Variants in PEX26 observed in about 807,000 individuals in gnomAD.
PEX26 encodes the protein peroxisome assembly protein 26.
Under a neutral mutation model 31.4 loss-of-function variants are expected in PEX26, and 18 were observed. The ratio of observed to expected loss-of-function variants is 0.57; its 90% CI spans 0.40 to 0.85. The LOEUF (loss-of-function observed/expected upper bound fraction) is 0.85. Among genes scored for constraint, PEX26 ranks in the 40% least tolerant of loss-of-function variants. PEX26 has a pLI of 0.00. For missense variants in PEX26, 377 were observed against 383.9 expected (o/e 0.98, Z 0.15); for synonymous variants, 176 against 166.9 (o/e 1.05, Z -0.42).
chr22:18,084,242 T>C lies in PEX26; in HGVS notation c.667+510T>C, dbSNP rs36096358. ...GAAAGTCACCATCTCTCTCTCTTTT[T>C]TTTTTTTTTTTTTTTTGTTTGAGAC... On this transcript the variant is annotated intron_variant, in intron 3 of 4. Coordinates refer to ENST00000399744, the MANE Select transcript of PEX26 (RefSeq NM_001127649.3). 3.0e-3 allele frequency among the ~76,000 whole-genome samples: 444 copies of C among 148,624 alleles called. 1 individual carries two copies. Among genetic ancestry groups the C allele is most frequent in the African/African-American group, 8.9e-3 (358 of 40,416 alleles).
chr22:18,080,833 G>C (rs1926545937), intron 2 of PEX26, among the ~76,000 whole-genome samples: 1 of 152,054 alleles, frequency 6.6e-6, no homozygotes, highest in Non-Finnish European at 1.5e-5. Flanking sequence ...ATACCTTACT[G>C]TTAACCATAA....
intron 2 of PEX26, among the ~76,000 whole-genome samples, chr22:18,082,021 C>G (rs1045012925): frequency 6.7e-6 from 1 of 148,690 alleles, no homozygotes; most frequent in Non-Finnish European, 1.5e-5. Flanking sequence ...ACGTCGTCTT[C>G]TGAGAAATGT....
intron 3 of PEX26, 147 bp from the exon 4 acceptor site, chr22:18,084,965 C>A (rs1926778899): frequency 5.4e-6 from 4 of 738,662 alleles, no homozygotes; most frequent in East Asian, 3.0e-5. Context: ...TTGTGATCCA[C>A]CTGCCTCAGC....
intron 3 of PEX26, among the ~76,000 whole-genome samples, chr22:18,084,154 T>C (rs1213349468): frequency 6.6e-6 from 1 of 152,038 alleles, no homozygotes; most frequent in Non-Finnish European, 1.5e-5. Flanking sequence ...CCCTGGTCGC[T>C]GAATCTTTTC....
In PEX26 at chr22:18,078,006, G is replaced by A; in HGVS notation, c.-371G>A. ...CGGGACGCCGCGCGGCTGCGGGGCTGGGCGAGCGCAAAGATGTCCGCGCCC... is the reference window on the plus strand; with the variant it reads ...CGGGACGCCGCGCGGCTGCGGGGCTAGGCGAGCGCAAAGATGTCCGCGCCC... On this transcript the variant is annotated 5_prime_UTR_variant, in exon 1 of 5. Transcript: ENST00000399744. 2.2e-6 allele frequency: 1 copy of A among 454,400 alleles called. No individual in the cohort carries two copies. The allele number at this position is 454,400 out of a possible 1,614,324, so 28.1% of individuals were successfully genotyped here. A position where few individuals can be genotyped will look rare whatever the true frequency, so the allele number is the denominator to read the frequency against.
Position 18,085,184 on chromosome 22 carries a change from T to G in PEX26, c.740T>G (p.Phe247Cys). ...CTTTGGGACTCTGCGGTGAGCCACT[T>G]CTTTTCTCTGCCCTTCAAAAAGAGT... ...RQLWDSAVSHFFSLPFKKSLL... is the reference protein window; with the variant it reads ...RQLWDSAVSHCFSLPFKKSLL... The change falls in exon 4 of 5, where the codon TTC becomes TGC. Residue 247 changes from phenylalanine to cysteine, a missense_variant. By Grantham distance (205) the Phe-to-Cys change is radical. Coordinates refer to ENST00000399744, the MANE Select transcript of PEX26 (RefSeq NM_001127649.3). The G allele has an allele frequency of 6.2e-7, 1 of 1,614,146 alleles. No individual in the cohort carries two copies. The highest frequency in any genetic ancestry group is 8.5e-7 in the Non-Finnish European group (1 of 1,180,008).
Position 18,079,815 on chromosome 22 carries a change from G to C in PEX26, c.231-59G>C, listed in dbSNP as rs1416457578. The C allele has an allele frequency of 3.1e-5, 50 of 1,597,146 alleles. No individual in the cohort carries two copies. The East Asian group carries it at 1.0e-3, about 34-fold the overall frequency. On this transcript the variant is annotated intron_variant, in intron 1 of 4. Transcript: ENST00000399744. ...TGGAGAGGAACAGTCCCAAGGTGGA[G>C]GTGGGAATGGAAATGGAGGGGAACC...
intron 2 of PEX26, among the ~76,000 whole-genome samples, chr22:18,080,575 C>T (rs945215365): frequency 6.6e-6 from 1 of 152,198 alleles, no homozygotes; most frequent in African/African-American, 2.4e-5. Context: ...CGTGATCCAC[C>T]TGCCTCGGCA....
intron 2 of PEX26, 83 bp downstream of exon 2, chr22:18,080,097 C>T (rs973662814): frequency 5.6e-6 from 8 of 1,439,848 alleles, no homozygotes; most frequent in African/African-American, 1.4e-5. Flanking sequence ...ACTCTTTTCC[C>T]CTTCCCTACT....
chr22:18,079,247 C>T (rs752101558), intron 1 of PEX26: 4 of 985,162 alleles, frequency 4.1e-6, no homozygotes, highest in African/African-American at 1.7e-5. Flanking sequence ...CCACCAGCCT[C>T]GTCTGGCAGG....
At position 18,077,996 on chromosome 22, in the gene PEX26, C is replaced by T. The variant is rs561094254; in HGVS notation, c.-381C>T. 136 of 433,566 alleles carry T rather than the reference C, an allele frequency of 3.1e-4. 1 individual carries two copies. Among genetic ancestry groups the T allele is most frequent in the South Asian group, 1.1e-3 (64 of 59,378 alleles). The allele number at this position is 433,566 out of a possible 1,614,324, so 26.9% of individuals were successfully genotyped here. On this transcript the variant is annotated 5_prime_UTR_variant, in exon 1 of 5. Coordinates refer to ENST00000399744, the MANE Select transcript of PEX26 (RefSeq NM_001127649.3). ...TCCGCGCCGCCGGGACGCCGCGCGG[C>T]TGCGGGGCTGGGCGAGCGCAAAGAT...
At chr22:18,078,896 G>A in intron 1 of PEX26, 1 of 575,940 alleles carries the variant, frequency 1.7e-6, no homozygotes, top group Admixed American at 2.3e-5. Context: ...AGTTCTGTCA[G>A]TAAGCAGGTG....
At chr22:18,086,738 A>G (rs1424996031) in intron 4 of PEX26, among the ~76,000 whole-genome samples, 1 of 152,254 alleles carries the variant, frequency 6.6e-6, no homozygotes, top group Non-Finnish European at 1.5e-5. Flanking sequence ...ATAAGTTTCA[A>G]AATTTAAGAG....
chr22:18,087,426 A>C (rs1333281792), intron 4 of PEX26, among the ~76,000 whole-genome samples: 1 of 152,154 alleles, frequency 6.6e-6, no homozygotes, highest in African/African-American at 2.4e-5. Flanking sequence ...CCGTCTGCTG[A>C]ATGCTGAGCA....
chr22:18,079,238 C>T, intron 1 of PEX26: 6 of 985,292 alleles, frequency 6.1e-6, no homozygotes, highest in Non-Finnish European at 7.2e-6. Flanking sequence ...TTTCTAATGC[C>T]ACCAGCCTCG....
Position 18,091,387 on chromosome 22 carries a change from CT to C in PEX26, c.*3315del, listed in dbSNP as rs1927092019. On this transcript the variant is annotated 3_prime_UTR_variant, in exon 5 of 5. Transcript: ENST00000399744. Reference sequence around the variant, plus strand: ...GTGGCGCATGCCTGTAATCCCAGCACTTTGGGAGGCCAAGGTGGGTGAATCA... The same window carrying C: ...GTGGCGCATGCCTGTAATCCCAGCACTTGGGAGGCCAAGGTGGGTGAATCA... 1 of 152,296 alleles carries C rather than the reference CT, an allele frequency of 6.6e-6. No homozygotes were observed. The highest frequency in any genetic ancestry group is 6.5e-5 in the Admixed American group (1 of 15,292). 9.4% of individuals were successfully genotyped at this position (152,296 alleles called of 1,614,324 possible). A position where few individuals can be genotyped will look rare whatever the true frequency, so the allele number is the denominator to read the frequency against.
At position 18,078,424 on chromosome 22, in the gene PEX26, G is replaced by A; in HGVS notation, c.48G>A (p.Gly16=). 1.3e-6 allele frequency: 2 copies of A among 1,591,234 alleles called. No homozygotes were observed. Among genetic ancestry groups the A allele is most frequent in the East Asian group, 2.3e-5 (1 of 44,034 alleles). The change falls in exon 1 of 5, where the codon GGG becomes GGA. Residue 16 remains glycine, a synonymous_variant. Transcript: ENST00000399744. ...STSAAPLRGL[G]GPLRSSEPVR... is the part of the protein sequence containing the mutation. Reference sequence around the variant, plus strand: ...CTGCAGCCCCCCTCAGGGGGCTCGGGGGACCCCTGCGCAGCAGCGAGCCGG... The same window carrying A: ...CTGCAGCCCCCCTCAGGGGGCTCGGAGGACCCCTGCGCAGCAGCGAGCCGG...
In PEX26 at chr22:18,090,464, G is replaced by C. The variant is rs1349860647; in HGVS notation, c.*2389G>C. The C allele has an allele frequency of 6.6e-6, 1 of 152,318 alleles. No individual in the cohort carries two copies. Among genetic ancestry groups the C allele is most frequent in the East Asian group, 1.9e-4 (1 of 5,190 alleles). The allele number at this position is 152,318 out of a possible 1,614,324, so 9.4% of individuals were successfully genotyped here. A position where few individuals can be genotyped will look rare whatever the true frequency, so the allele number is the denominator to read the frequency against. On this transcript the variant is annotated 3_prime_UTR_variant, in exon 5 of 5. Coordinates refer to ENST00000399744, the MANE Select transcript of PEX26 (RefSeq NM_001127649.3). Reference sequence around the variant, plus strand: ...AAGGCCTAGCACCTGCTCTTGGCCTGGTGAGCCCCTCCACCTTCCAGGCTT... The same window carrying C: ...AAGGCCTAGCACCTGCTCTTGGCCTCGTGAGCCCCTCCACCTTCCAGGCTT...
chr22:18,101,673 CA>C lies in PEX26; in HGVS notation c.*13602del. ...AGAGTAGCTGTGCAATGACTTGTGT[CA>C]AAACCCGATCCAGAGCAGCAGTGAT... On this transcript the variant is annotated 3_prime_UTR_variant, in exon 5 of 5. Coordinates refer to ENST00000399744, the MANE Select transcript of PEX26 (RefSeq NM_001127649.3). 7.7e-6 allele frequency: 2 copies of C among 258,464 alleles called. No individual in the cohort carries two copies. The highest frequency in any genetic ancestry group is 1.5e-5 in the Non-Finnish European group (2 of 136,726). The allele number at this position is 258,464 out of a possible 1,614,324, so 16.0% of individuals were successfully genotyped here. A position where few individuals can be genotyped will look rare whatever the true frequency, so the allele number is the denominator to read the frequency against.
Sources: gnomAD v4.1 joint callset for allele counts (sites outside exome capture counted in the v4.1 genomes callset) on GRCh38, gnomAD v4.1.1 for gene constraint, MANE v1.5 for transcripts, NCBI Gene and HGNC (gene_info 2026-07-23, HGNC 2026-07-21) for gene names.